RAD17: variants seen among roughly 807,000 people sequenced by gnomAD.
The protein encoded by RAD17 is cell cycle checkpoint protein RAD17.
A neutral mutation model predicts 81.5 loss-of-function variants in RAD17; 31 were observed. That is an observed-to-expected ratio of 0.38 (90% CI 0.29 to 0.51). The LOEUF (loss-of-function observed/expected upper bound fraction) is 0.51, where lower values mean the gene tolerates loss of function less well. Ranked by LOEUF, RAD17 falls within the 20% of genes least tolerant of loss-of-function variation. RAD17 has a pLI of 0.88. For missense variants in RAD17, 681 were observed against 781.2 expected, an observed-to-expected ratio of 0.87 and a Z score of 1.53; for synonymous variants, 261 against 266.2, an observed-to-expected ratio of 0.98 and a Z score of 0.19.
In RAD17 at chr5:69,371,240, ACTC is replaced by A. The variant is rs1465201239; in HGVS notation, c.-280+70_-280+72del. 4 of 551,116 alleles carry A rather than the reference ACTC, an allele frequency of 7.3e-6. No homozygotes were observed. In the East Asian group the frequency reaches 1.5e-4, roughly 20 times the overall value. The allele number at this position is 551,116 out of a possible 1,614,324, so 34.1% of individuals were successfully genotyped here. On this transcript the variant is annotated intron_variant, in intron 2 of 18. Transcript: ENST00000354868. ...ATACATCATTGAGTTCATGTGAAAAACTCTTAACACCACAAGTAGATTATTTGA... is the reference window on the plus strand; with the variant it reads ...ATACATCATTGAGTTCATGTGAAAAATTAACACCACAAGTAGATTATTTGA...
rs989063335 is a variant in RAD17, at chr5:69,389,078, G to A, written c.939G>A (p.Leu313=). 1.3e-6 allele frequency: 2 copies of A among 1,558,072 alleles called. No individual in the cohort carries two copies. Among genetic ancestry groups the A allele is most frequent in the Non-Finnish European group, 1.7e-6 (2 of 1,152,776 alleles). The change falls in exon 12 of 19, where the codon TTG becomes TTA. Residue 313 remains leucine (L), a synonymous_variant. Transcript: ENST00000354868. ...ITVPDKTSLE[L]LCQGCSGDIR... ...TCCCTGACAAAACTTCTCTAGAGTT[G>A]CTCTGTCAGGGATGTTCTGGTGATA...
intron 12 of RAD17, among the ~76,000 whole-genome samples, chr5:69,389,672 G>A (rs958977217): frequency 6.6e-6 from 1 of 152,180 alleles, no homozygotes; most frequent in African/African-American, 2.4e-5. Context: ...ACGGAGTCTC[G>A]CTCTGCCGCC....
rs1561239041 is a variant in RAD17 at position 69,377,489 on chromosome 5, A to ATG, written c.351+2779_351+2780insGT. ...TATATATATATACACACACACACAT[A>ATG]TATATACGTATATATATGTATATAT... On this transcript the variant is annotated intron_variant, in intron 6 of 18. Transcript: ENST00000354868. Among the ~76,000 whole-genome samples, 48 of 50,212 alleles carry ATG rather than the reference A, an allele frequency of 9.6e-4. 11 individuals carry two copies. The highest frequency in any genetic ancestry group is 2.0e-3 in the East Asian group (3 of 1,478). 32.9% of individuals were successfully genotyped at this position (50,212 alleles called of 152,430 possible).
In RAD17 at chr5:69,389,094, T is replaced by C; in HGVS notation, c.955T>C (p.Ser319Pro). ...TSLELLCQGC[S>P]GDIRSAINSL... Reference sequence around the variant, plus strand: ...TCTAGAGTTGCTCTGTCAGGGATGTTCTGGTGATATCAGAAGTGCAATAAA... The same window carrying C: ...TCTAGAGTTGCTCTGTCAGGGATGTCCTGGTGATATCAGAAGTGCAATAAA... Residue 319 changes from serine (S) to proline (P), a missense_variant, in exon 12 of 19, where the codon TCT (serine) becomes CCT (proline). Transcript: ENST00000354868. 1 of 1,584,126 alleles carries C rather than the reference T, an allele frequency of 6.3e-7. No homozygotes were observed. The highest frequency in any genetic ancestry group is 8.6e-7 in the Non-Finnish European group (1 of 1,164,636).
chr5:69,373,714 T>TTA lies in RAD17; in HGVS notation c.10-115_10-114insAT. 8 of 177,748 alleles carry TTA rather than the reference T, an allele frequency of 4.5e-5. No homozygotes were observed. In the East Asian group the frequency reaches 5.7e-4, roughly 13 times the overall value. 11.0% of individuals were successfully genotyped at this position (177,748 alleles called of 1,614,324 possible). On this transcript the variant is annotated intron_variant, in intron 4 of 18. Coordinates refer to ENST00000354868, the MANE Select transcript of RAD17 (RefSeq NM_133338.3). The stretch of plus-strand genomic sequence containing the variant: ...TTTTTTTTTTTTTTTTTTTTTTTTT[T>TTA]TTAAGTTTTAAAGGTTATAAATATA...
chr5:69,374,272 G>A (rs1364472756), intron 5 of RAD17, among the ~76,000 whole-genome samples, 185 bp downstream of exon 5: 2 of 152,072 alleles, frequency 1.3e-5, no homozygotes, highest in African/African-American at 2.4e-5. Flanking sequence ...TTCTAAAGTT[G>A]TATGATTAGT....
chr5:69,385,182 G>T (rs184752885), intron 8 of RAD17, among the ~76,000 whole-genome samples: 1 of 150,890 alleles, frequency 6.6e-6, no homozygotes, highest in African/African-American at 2.4e-5. Context: ...GGATGGTCTC[G>T]ATCTCCTGAC....
At chr5:69,408,353 C>G (rs554148583) in intron 17 of RAD17, among the ~76,000 whole-genome samples, 2 of 151,996 alleles carry the variant, frequency 1.3e-5, no homozygotes, top group Non-Finnish European at 2.9e-5. Context: ...CAACATGAAG[C>G]CTTCCTCCCT....
At chr5:69,392,816 C>T (rs1447212250) in intron 13 of RAD17, 4 of 464,674 alleles carry the variant, frequency 8.6e-6, no homozygotes, top group Admixed American at 4.7e-5. Flanking sequence ...CATCTTCCTA[C>T]ATAGTAAATA....
intron 6 of RAD17, among the ~76,000 whole-genome samples, chr5:69,381,321 A>C (rs956070143): frequency 6.6e-6 from 1 of 152,056 alleles, no homozygotes; most frequent in Non-Finnish European, 1.5e-5. Context: ...TCTACTAAAA[A>C]TACAAAAAAA....
At chr5:69,370,684 T>G (rs1000973410) in intron 1 of RAD17, 6 of 152,752 alleles carry the variant, frequency 3.9e-5, no homozygotes, top group African/African-American at 1.4e-4. Context: ...CTATATTTAC[T>G]CAAATAGGTG....
At chr5:69,391,270 T>G (rs562346948) in intron 12 of RAD17, among the ~76,000 whole-genome samples, 11 of 151,930 alleles carry the variant, frequency 7.2e-5, no homozygotes, top group Non-Finnish European at 1.5e-4. Context: ...AGGGTTGTTA[T>G]GAAGATTAAA....
At chr5:69,384,595 C>T (rs1304953995) in intron 7 of RAD17, among the ~76,000 whole-genome samples, 2 of 152,142 alleles carry the variant, frequency 1.3e-5, no homozygotes, top group South Asian at 2.1e-4. Flanking sequence ...GGATTACAGG[C>T]GTGAGCCACT....
At chr5:69,375,541 T>C (rs1323939301) in intron 6 of RAD17, among the ~76,000 whole-genome samples, 1 of 152,134 alleles carries the variant, frequency 6.6e-6, no homozygotes, top group East Asian at 1.9e-4. Context: ...ATATATAGAA[T>C]ATACTCATTG....
intron 16 of RAD17, among the ~76,000 whole-genome samples, chr5:69,398,109 T>TC (rs1173071408): frequency 2.0e-5 from 3 of 150,284 alleles, no homozygotes; most frequent in Non-Finnish European, 4.4e-5. Context: ...AGAGCGAGAC[T>TC]CCATCTAAAA....
chr5:69,390,955 A>AG (rs928397882), intron 12 of RAD17, among the ~76,000 whole-genome samples: 12 of 148,768 alleles, frequency 8.1e-5, no homozygotes, highest in African/African-American at 2.9e-4. Context: ...CCTGTGTCAA[A>AG]AAAAAAAAAA....
chr5:69,377,443 A>ATATATATATATATATG (rs1249094139), intron 6 of RAD17, among the ~76,000 whole-genome samples: 241 of 7,230 alleles, frequency 0.033, 7 homozygotes, highest in South Asian at 0.15. Context: ...GTGTGTGTAT[A>ATATATATATATATATG]TATATATATA....
Position 69,410,486 on chromosome 5 carries a change from G to C in RAD17, c.1694-7G>C. On this transcript the variant is annotated splice_polypyrimidine_tract_variant and splice_region_variant and intron_variant, in intron 17 of 18. Transcript: ENST00000354868. ...ATTGTTTACAACTTTTAAAAAATCT[G>C]TTTCAGCTCAGATTTCTTTTATCCA... 2 of 1,610,426 alleles carry C rather than the reference G, an allele frequency of 1.2e-6. No homozygotes were observed. The highest frequency in any genetic ancestry group is 1.7e-6 in the Non-Finnish European group (2 of 1,177,880).
At chr5:69,413,942 A>G in intron 18 of RAD17, 89 bp from the exon 19 acceptor site, 1 of 1,474,390 alleles carries the variant, frequency 6.8e-7, no homozygotes, top group South Asian at 1.3e-5. Flanking sequence ...AGGTAAATGA[A>G]AGATGGCTTC....
Sources: allele counts gnomAD v4.1 joint callset (sites outside exome capture counted in the v4.1 genomes callset), GRCh38; gene constraint gnomAD v4.1.1; transcripts MANE v1.5; gene names NCBI Gene and HGNC (gene_info 2026-07-23, HGNC 2026-07-21).